MAST2: variants seen among roughly 807,000 people sequenced by gnomAD.
MAST2 encodes the protein microtubule-associated serine/threonine-protein kinase 2.
In MAST2, 70 loss-of-function variants were observed where a neutral mutation model predicts 147.4. The observed-to-expected ratio is 0.47, with a 90% CI of 0.39 to 0.58. The LOEUF is 0.58. Among genes scored for constraint, MAST2 ranks in the 20% least tolerant of loss-of-function variants. The pLI, the probability that MAST2 is intolerant of heterozygous loss-of-function variation, is 0.00. For synonymous variants in MAST2, 869 were observed against 896.8 expected (o/e 0.97, Z 0.55); for missense variants, 2,080 against 2,302.3 (o/e 0.90, Z 1.98).
intron 3 of MAST2, among the ~76,000 whole-genome samples, chr1:45,850,160 G>A (rs1419320170): frequency 2.0e-5 from 3 of 152,086 alleles, no homozygotes; most frequent in African/African-American, 7.2e-5. Flanking sequence ...GCATAAGATG[G>A]TATCTCATTG....
intron 4 of MAST2, among the ~76,000 whole-genome samples, chr1:45,914,527 C>T (rs975791396): frequency 6.6e-6 from 1 of 152,150 alleles, no homozygotes; most frequent in Non-Finnish European, 1.5e-5. Context: ...AAAGAAGAGA[C>T]CTAGAATTCA....
At chr1:45,948,582 C>T (rs1198052888) in intron 4 of MAST2, among the ~76,000 whole-genome samples, 1 of 151,606 alleles carries the variant, frequency 6.6e-6, no homozygotes, top group Non-Finnish European at 1.5e-5. Context: ...TGGTGTGTGT[C>T]TGTAGTCTCA....
At chr1:45,974,530 G>C (rs570074267) in intron 5 of MAST2, among the ~76,000 whole-genome samples, 26 of 152,244 alleles carry the variant, frequency 1.7e-4, no homozygotes, top group African/African-American at 6.3e-4. Context: ...TGAGGAGTTC[G>C]AGGCTGCAGT....
intron 5 of MAST2, among the ~76,000 whole-genome samples, chr1:45,984,384 G>A (rs1210317124): frequency 6.6e-6 from 1 of 151,270 alleles, no homozygotes; most frequent in Non-Finnish European, 1.5e-5. Context: ...GCTCACTGCA[G>A]CGTTGACCTC....
rs368626024 is a variant in MAST2 at position 46,028,920 on chromosome 1, G to T, written c.2205G>T (p.Gly735=). 3 of 1,596,840 alleles carry T rather than the reference G, an allele frequency of 1.9e-6. No individual in the cohort carries two copies. The highest frequency in any genetic ancestry group is 2.6e-6 in the Non-Finnish European group (3 of 1,172,284). The part of the protein sequence containing the change: ...FFGDTPEELF[G]QVISDEIVWP... ...GAGATACTCCGGAGGAGCTCTTTGG[G>T]CAGGTGATCAGTGGTAGGTACTATG... is the stretch of plus-strand genomic sequence containing the variant. Residue 735 remains glycine (G), a synonymous_variant, in exon 18 of 29, where the codon GGG becomes GGT. Transcript: ENST00000361297.
At chr1:45,974,154 G>A (rs531348387) in intron 5 of MAST2, among the ~76,000 whole-genome samples, 3 of 152,324 alleles carry the variant, frequency 2.0e-5, no homozygotes, top group African/African-American at 7.2e-5. Flanking sequence ...TTCTATAGTT[G>A]AGAGGGGATG....
chr1:45,921,023 TCTCA>T (rs111970468), intron 4 of MAST2, among the ~76,000 whole-genome samples: 1 of 152,118 alleles, frequency 6.6e-6, no homozygotes, highest in African/African-American at 2.4e-5. Flanking sequence ...TGAGACGGAG[TCTCA>T]CTCTGTCACC....
At chr1:46,030,316 G>C (rs994880626) in intron 21 of MAST2, 78 bp downstream of exon 21, 1 of 1,422,890 alleles carries the variant, frequency 7.0e-7, no homozygotes, top group Non-Finnish European at 9.7e-7. Context: ...GGCACACCTG[G>C]GGCAGGCTCA....
intron 5 of MAST2, among the ~76,000 whole-genome samples, chr1:45,975,780 G>A (rs571483707): frequency 6.6e-6 from 1 of 151,938 alleles, no homozygotes; most frequent in Admixed American, 6.6e-5. Flanking sequence ...GTCACGGAGG[G>A]CTATATGCAG....
At chr1:45,820,942 C>T (rs780652398) in intron 1 of MAST2, among the ~76,000 whole-genome samples, 68 of 139,620 alleles carry the variant, frequency 4.9e-4, no homozygotes, top group African/African-American at 4.9e-4. Flanking sequence ...CTCTGTTTCC[C>T]GGGCTGGAGT....
intron 4 of MAST2, among the ~76,000 whole-genome samples, chr1:45,900,248 T>A (rs1649544650): frequency 6.6e-6 from 1 of 151,168 alleles, no homozygotes; most frequent in Admixed American, 6.6e-5. Flanking sequence ...CAAATGGTAG[T>A]TCTATTTTTA....
At chr1:46,016,560 G>A (rs1168223951) in intron 10 of MAST2, among the ~76,000 whole-genome samples, 1 of 152,124 alleles carries the variant, frequency 6.6e-6, no homozygotes, top group East Asian at 1.9e-4. Flanking sequence ...CAAATCATGA[G>A]TGAACTCCCA....
At chr1:45,937,777 A>G (rs996240935) in intron 4 of MAST2, among the ~76,000 whole-genome samples, 4 of 121,078 alleles carry the variant, frequency 3.3e-5, no homozygotes, top group African/African-American at 1.3e-4. Context: ...AAAAAAAAAA[A>G]AAAAATTACC....
intron 3 of MAST2, among the ~76,000 whole-genome samples, chr1:45,853,510 C>T (rs190494226): frequency 2.0e-4 from 31 of 151,830 alleles, no homozygotes; most frequent in Non-Finnish European, 2.8e-4. Context: ...TGTACCATCA[C>T]GCCTGTGTAA....
At chr1:45,967,984 A>C (rs1047148964) in intron 5 of MAST2, among the ~76,000 whole-genome samples, 5 of 152,184 alleles carry the variant, frequency 3.3e-5, no homozygotes, top group Admixed American at 1.3e-4. Context: ...GTTACAGATT[A>C]AGCACCCCCA....
chr1:45,966,903 A>G (rs1490202806), intron 5 of MAST2, among the ~76,000 whole-genome samples: 1 of 128,552 alleles, frequency 7.8e-6, no homozygotes, highest in Non-Finnish European at 1.6e-5. Flanking sequence ...GTCTCACGCC[A>G]TCATTCAGGT....
intron 4 of MAST2, among the ~76,000 whole-genome samples, chr1:45,957,948 T>C (rs1159707130): frequency 6.6e-6 from 1 of 152,142 alleles, no homozygotes; most frequent in African/African-American, 2.4e-5. Context: ...TAGCAACGTT[T>C]CATTTGGAGC....
At chr1:45,863,063 C>T (rs1646032389) in intron 3 of MAST2, among the ~76,000 whole-genome samples, 1 of 151,908 alleles carries the variant, frequency 6.6e-6, no homozygotes, top group Non-Finnish European at 1.5e-5. Flanking sequence ...GTAATCTTTC[C>T]TCATCCCTAT....
At chr1:45,885,263 A>AT (rs1380770605) in intron 4 of MAST2, among the ~76,000 whole-genome samples, 2 of 151,858 alleles carry the variant, frequency 1.3e-5, no homozygotes, top group African/African-American at 4.8e-5. Context: ...AGCGAATCCT[A>AT]TGGTGTGCTC....
Sources: allele counts gnomAD v4.1 joint callset (sites outside exome capture counted in the v4.1 genomes callset), GRCh38; gene constraint gnomAD v4.1.1; transcripts MANE v1.5; gene names NCBI Gene and HGNC (gene_info 2026-07-23, HGNC 2026-07-21).